MC2R: variants seen among roughly 807,000 people sequenced by gnomAD.
The protein encoded by MC2R is adrenocorticotropic hormone receptor.
In MC2R, 9 loss-of-function variants were observed where a neutral mutation model predicts 9.8. The ratio of observed to expected loss-of-function variants is 0.92; its 90% CI spans 0.55 to 1.60. The LOEUF (loss-of-function observed/expected upper bound fraction) is 1.60, where lower values mean the gene tolerates loss of function less well. Ranked by LOEUF, MC2R falls within the 40% of genes most tolerant of loss-of-function variation. The pLI is 0.00. For missense variants in MC2R, 370 were observed against 389.0 expected (o/e 0.95, Z 0.41); for synonymous variants, 185 against 154.7 (o/e 1.20, Z -1.45).
intron 1 of MC2R, among the ~76,000 whole-genome samples, chr18:13,886,994 T>C (rs1258611161): frequency 2.0e-5 from 3 of 152,220 alleles, no homozygotes; most frequent in Admixed American, 2.0e-4. Context: ...GGGTTCTGCC[T>C]GGAATGGCCA....
chr18:13,906,875 G>A (rs1379848007), intron 1 of MC2R, among the ~76,000 whole-genome samples: 1 of 152,048 alleles, frequency 6.6e-6, no homozygotes, highest in Non-Finnish European at 1.5e-5. Context: ...AAGTTGAAGA[G>A]GACACCATAA....
chr18:13,910,600 T>C (rs960918787), intron 1 of MC2R, among the ~76,000 whole-genome samples: 1 of 152,218 alleles, frequency 6.6e-6, no homozygotes, highest in Non-Finnish European at 1.5e-5. Flanking sequence ...TACTACAAAG[T>C]GCCTGAGGGG....
Position 13,887,898 on chromosome 18 carries a change from A to G in MC2R, c.-128-2252T>C, listed in dbSNP as rs981912321. 8.5e-5 allele frequency among the ~76,000 whole-genome samples: 13 copies of G among 152,098 alleles called. No individual in the cohort carries two copies. The East Asian group carries it at 2.5e-3, about 30-fold the overall frequency. The stretch of plus-strand genomic sequence containing the variant: ...CGCAGCCCCATAACTGTGTGTGCCA[A>G]TTCCTTATAGTAAATCTTTTATGTC... On this transcript the variant is annotated intron_variant, in intron 1 of 1. Transcript: ENST00000327606.
rs1216743700 is a variant in MC2R, at chr18:13,909,037, CCTAATGTCCT to C, written c.-129+6441_-129+6450del. ...TTTATTCAAATGTCCTTAATTTTAA[CCTAATGTCCT>C]TTTGTGTCTCTGGGTCTCATCCAGG... On this transcript the variant is annotated intron_variant, in intron 1 of 1. Transcript: ENST00000327606. Among the ~76,000 whole-genome samples, 4 of 152,182 alleles carry C rather than the reference CCTAATGTCCT, an allele frequency of 2.6e-5. No individual in the cohort carries two copies. In the East Asian group the frequency reaches 7.7e-4, roughly 29 times the overall value.
At chr18:13,888,951 G>T (rs2045296136) in intron 1 of MC2R, among the ~76,000 whole-genome samples, 1 of 152,180 alleles carries the variant, frequency 6.6e-6, no homozygotes, top group South Asian at 2.1e-4. Flanking sequence ...TCTCCCATTT[G>T]CTTTTTTGTG....
At chr18:13,896,162 T>C (rs931786854) in intron 1 of MC2R, among the ~76,000 whole-genome samples, 6 of 151,864 alleles carry the variant, frequency 4.0e-5, no homozygotes, top group Non-Finnish European at 8.8e-5. Context: ...TAAATAAGAG[T>C]TAGTATATAT....
intron 1 of MC2R, among the ~76,000 whole-genome samples, chr18:13,905,271 CA>C (rs375111753): frequency 2.5e-4 from 38 of 152,116 alleles, no homozygotes; most frequent in African/African-American, 9.2e-4. Context: ...GGCCAACAAA[CA>C]AATGAAAAAA....
intron 1 of MC2R, among the ~76,000 whole-genome samples, chr18:13,890,649 A>T (rs545807565): frequency 6.6e-6 from 1 of 152,034 alleles, no homozygotes; most frequent in East Asian, 1.9e-4. Context: ...TGCATTTAAG[A>T]TTTTTATGTC....
At chr18:13,886,757 G>A (rs990844943) in intron 1 of MC2R, among the ~76,000 whole-genome samples, 1 of 152,220 alleles carries the variant, frequency 6.6e-6, no homozygotes, top group South Asian at 2.1e-4. Context: ...AGTGGGGAAA[G>A]CCAGCACCAC....
rs1300275634 is a variant in MC2R at position 13,882,661 on chromosome 18, A to AT, written c.*1963dup. 6.6e-6 allele frequency: 1 copy of AT among 152,224 alleles called. No homozygotes were observed. Among genetic ancestry groups the AT allele is most frequent in the Non-Finnish European group, 1.5e-5 (1 of 68,050 alleles). 9.4% of individuals were successfully genotyped at this position (152,224 alleles called of 1,614,324 possible). On this transcript the variant is annotated 3_prime_UTR_variant, in exon 2 of 2. Coordinates refer to ENST00000327606, the MANE Select transcript of MC2R (RefSeq NM_000529.2). ...CTATTTATGATACAGGTTAAGTGGC[A>AT]TTGCTTACCTCTGTGGTATCACAGA...
rs117452219 is a variant in MC2R at position 13,897,628 on chromosome 18, G to A, written c.-128-11982C>T. Among the ~76,000 whole-genome samples the A allele has an allele frequency of 9.9e-5, 15 of 152,168 alleles. No homozygotes were observed. The East Asian group carries it at 2.9e-3, about 30-fold the overall frequency. On this transcript the variant is annotated intron_variant, in intron 1 of 1. Transcript: ENST00000327606. The stretch of plus-strand genomic sequence containing the variant: ...CACCCCTTCCTTCTGCTTGAGGAGA[G>A]GAGAAGAGAAGGAAGAGTAGGGAGG...
chr18:13,889,781 G>C (rs1025420517), intron 1 of MC2R, among the ~76,000 whole-genome samples: 6 of 152,272 alleles, frequency 3.9e-5, no homozygotes, highest in Non-Finnish European at 7.4e-5. Flanking sequence ...TGTGCCAGCT[G>C]GTCTTGTGTC....
chr18:13,886,099 A>T (rs899055183), intron 1 of MC2R, among the ~76,000 whole-genome samples: 4 of 152,156 alleles, frequency 2.6e-5, no homozygotes, highest in African/African-American at 9.7e-5. Context: ...GGGTGATGAG[A>T]AATTACCCTA....
At chr18:13,913,960 A>G (rs2045461526) in intron 1 of MC2R, among the ~76,000 whole-genome samples, 2 of 152,228 alleles carry the variant, frequency 1.3e-5, no homozygotes, top group Non-Finnish European at 1.5e-5. Context: ...AAGGCAAGGA[A>G]TGTGGCTTAC....
chr18:13,911,656 T>A (rs877127), intron 1 of MC2R, among the ~76,000 whole-genome samples: 37,427 of 152,088 alleles, frequency 0.25, 5,714 homozygotes, highest in Middle Eastern at 0.44. Context: ...TGGACCTTGC[T>A]CTGGAGTCAC....
chr18:13,902,488 A>C (rs2045386235), intron 1 of MC2R, among the ~76,000 whole-genome samples: 1 of 152,158 alleles, frequency 6.6e-6, no homozygotes, highest in African/African-American at 2.4e-5. Flanking sequence ...TGGTATAAAA[A>C]CAGACACATA....
At chr18:13,896,071 A>G (rs1269158996) in intron 1 of MC2R, among the ~76,000 whole-genome samples, 7 of 152,202 alleles carry the variant, frequency 4.6e-5, no homozygotes, top group African/African-American at 1.7e-4. Context: ...TTGTGGAGCA[A>G]CTCATATTGG....
chr18:13,885,757 A>G, intron 1 of MC2R, 111 bp from the exon 2 acceptor site: 2 of 524,200 alleles, frequency 3.8e-6, no homozygotes, highest in Non-Finnish European at 6.8e-6. Flanking sequence ...AGAAATCAGT[A>G]TATTAGAAGG....
At chr18:13,909,789 A>G (rs769176612) in intron 1 of MC2R, among the ~76,000 whole-genome samples, 1 of 152,212 alleles carries the variant, frequency 6.6e-6, no homozygotes, top group East Asian at 1.9e-4. Flanking sequence ...TCCAGGCTCA[A>G]CTTGTTATTT....
Sources: allele counts gnomAD v4.1 joint callset (sites outside exome capture counted in the v4.1 genomes callset), GRCh38; gene constraint gnomAD v4.1.1; transcripts MANE v1.5; gene names NCBI Gene and HGNC (gene_info 2026-07-23, HGNC 2026-07-21).